The following NRXN3 variants were observed in gnomAD, a reference collection of about 807,000 sequenced individuals.
The protein encoded by NRXN3 is neurexin 3.
A neutral mutation model predicts 137.6 loss-of-function variants in NRXN3; 32 were observed. The ratio of observed to expected loss-of-function variants is 0.23; its 90% CI spans 0.18 to 0.31. The LOEUF (loss-of-function observed/expected upper bound fraction) is 0.31. NRXN3 is among the 10% of genes least tolerant of loss of function. NRXN3 has a pLI of 1.00. For missense variants in NRXN3, 1,574 were observed against 2,062.5 expected, an observed-to-expected ratio of 0.76 and a Z score of 4.59; for synonymous variants, 798 against 784.5, an observed-to-expected ratio of 1.02 and a Z score of -0.29.
chr14:78,519,351 T>C (rs1398672522), intron 4 of NRXN3, among the ~76,000 whole-genome samples: 1 of 152,156 alleles, frequency 6.6e-6, no homozygotes, highest in East Asian at 1.9e-4. Context: ...ACCAACCTGC[T>C]CCAGTCATCA....
intron 1 of NRXN3, among the ~76,000 whole-genome samples, chr14:78,186,212 C>T (rs1381138048): frequency 1.3e-5 from 2 of 152,210 alleles, no homozygotes; most frequent in Non-Finnish European, 2.9e-5. Context: ...CAGTAAAGGA[C>T]CCAGCCAGTC....
chr14:79,594,856 C>T (rs539216175), intron 16 of NRXN3, among the ~76,000 whole-genome samples: 1 of 152,084 alleles, frequency 6.6e-6, no homozygotes, highest in Non-Finnish European at 1.5e-5. Flanking sequence ...GGTACAAGTC[C>T]CTGTTTATTA....
intron 8 of NRXN3, among the ~76,000 whole-genome samples, chr14:78,717,045 G>A (rs149676362): frequency 2.0e-5 from 3 of 152,292 alleles, no homozygotes; most frequent in Non-Finnish European, 4.4e-5. Context: ...TCTGAGATGC[G>A]TGAGACAGTT....
intron 8 of NRXN3, among the ~76,000 whole-genome samples, chr14:78,715,664 T>C (rs2152850381): frequency 6.6e-6 from 1 of 152,274 alleles, no homozygotes. Context: ...GAACATAAAC[T>C]CTGGGGCCAG....
chr14:78,968,071 T>A, intron 13 of NRXN3, 102 bp from the exon 14 acceptor site: 1 of 88,030 alleles, frequency 1.1e-5, no homozygotes, highest in Non-Finnish European at 2.5e-5. Flanking sequence ...CCCCCAGCTA[T>A]CTTATTCCTT....
chr14:78,494,034 A>T (rs2095718880), intron 4 of NRXN3, among the ~76,000 whole-genome samples: 1 of 152,184 alleles, frequency 6.6e-6, no homozygotes, highest in African/African-American at 2.4e-5. Flanking sequence ...GATGGATCTC[A>T]GTGTTTTTGT....
intron 16 of NRXN3, among the ~76,000 whole-genome samples, chr14:79,567,177 TA>T (rs2097558581): frequency 6.6e-6 from 1 of 152,142 alleles, no homozygotes; most frequent in Non-Finnish European, 1.5e-5. Flanking sequence ...ATTTGACAGT[TA>T]TTTTTTGACC....
intron 4 of NRXN3, among the ~76,000 whole-genome samples, chr14:78,355,711 C>T (rs1015341767): frequency 2.0e-5 from 3 of 152,238 alleles, no homozygotes; most frequent in South Asian, 4.1e-4. Flanking sequence ...TTAGCCACCA[C>T]GCCCTGCCAA....
chr14:78,198,203 C>T (rs932178427), intron 1 of NRXN3, among the ~76,000 whole-genome samples: 1 of 152,232 alleles, frequency 6.6e-6, no homozygotes, highest in Non-Finnish European at 1.5e-5. Context: ...TCAGCCACAA[C>T]CTCTTCTGAG....
At chr14:78,563,942 G>C (rs2096812393) in intron 4 of NRXN3, among the ~76,000 whole-genome samples, 2 of 152,186 alleles carry the variant, frequency 1.3e-5, no homozygotes, top group Admixed American at 6.5e-5. Context: ...TTTTGGCTTT[G>C]AGGCAGCAAC....
chr14:79,812,988 C>T (rs910245895), intron 20 of NRXN3, among the ~76,000 whole-genome samples: 6 of 151,958 alleles, frequency 3.9e-5, no homozygotes, highest in Non-Finnish European at 8.8e-5. Context: ...AGTATATGTA[C>T]TGTGTGTATA....
At chr14:78,338,611 G>A (rs1350252297) in intron 4 of NRXN3, among the ~76,000 whole-genome samples, 1 of 152,156 alleles carries the variant, frequency 6.6e-6, no homozygotes, top group East Asian at 1.9e-4. Flanking sequence ...TGGGACAACC[G>A]ACCCACTCAG....
At chr14:78,400,196 A>G (rs939961345) in intron 4 of NRXN3, among the ~76,000 whole-genome samples, 1 of 152,214 alleles carries the variant, frequency 6.6e-6, no homozygotes, top group African/African-American at 2.4e-5. Flanking sequence ...CATAGAAAAA[A>G]TACAGCAGTC....
At chr14:79,812,808 C>G (rs1246961361) in intron 20 of NRXN3, among the ~76,000 whole-genome samples, 1 of 152,118 alleles carries the variant, frequency 6.6e-6, no homozygotes, top group African/African-American at 2.4e-5. Flanking sequence ...AATCTGAACT[C>G]ATGAGAACTT....
At position 78,916,475 on chromosome 14, in the gene NRXN3, C is replaced by T. The variant is rs563047506; in HGVS notation, c.2276-40767C>T. 3.9e-5 allele frequency among the ~76,000 whole-genome samples: 6 copies of T among 152,278 alleles called. No individual in the cohort carries two copies. The East Asian group carries it at 1.2e-3, about 29-fold the overall frequency. ...CTGAGTCCTGAATACAAACAGCCAG[C>T]TATGGGAAGCTCCATGGCAGGAGTG... On this transcript the variant is annotated intron_variant, in intron 10 of 20. Transcript: ENST00000335750.
rs35423788 is a variant in NRXN3 at position 78,531,617 on chromosome 14, C to CT, written c.758-113495dup. On this transcript the variant is annotated intron_variant, in intron 4 of 20. Coordinates refer to ENST00000335750, the MANE Select transcript of NRXN3 (RefSeq NM_001330195.2). Reference sequence around the variant, plus strand: ...CTGAACTGAATCAGAGTATCATTTCCTTTTTTTTGCATGTGCTGGTGTCTC... The same window carrying CT: ...CTGAACTGAATCAGAGTATCATTTCCTTTTTTTTTGCATGTGCTGGTGTCTC... Among the ~76,000 whole-genome samples, 125 of 151,820 alleles carry CT rather than the reference C, an allele frequency of 8.2e-4. 1 individual carries two copies. Among genetic ancestry groups the CT allele is most frequent in the Middle Eastern group, 3.4e-3 (1 of 292 alleles).
chr14:79,535,782 T>C (rs1445969759), intron 16 of NRXN3, among the ~76,000 whole-genome samples: 1 of 152,100 alleles, frequency 6.6e-6, no homozygotes, highest in Admixed American at 6.6e-5. Context: ...CACCCTAGGT[T>C]TGTCTGACTA....
chr14:78,845,410 A>T, intron 10 of NRXN3, among the ~76,000 whole-genome samples: 1 of 152,134 alleles, frequency 6.6e-6, no homozygotes, highest in East Asian at 1.9e-4. Flanking sequence ...CTTTTAATAT[A>T]TCCCTCTATA....
At chr14:78,771,420 A>G (rs1426879330) in intron 8 of NRXN3, among the ~76,000 whole-genome samples, 3 of 152,220 alleles carry the variant, frequency 2.0e-5, no homozygotes, top group Admixed American at 6.5e-5. Flanking sequence ...AAGCCTAGCT[A>G]TGGGGCTAAA....
Sources: gnomAD v4.1 joint callset for allele counts (sites outside exome capture counted in the v4.1 genomes callset) on GRCh38, gnomAD v4.1.1 for gene constraint, MANE v1.5 for transcripts, NCBI Gene and HGNC (gene_info 2026-07-23, HGNC 2026-07-21) for gene names.